LSAMP: variants seen among roughly 807,000 people sequenced by gnomAD.
The protein encoded by LSAMP is limbic system-associated membrane protein.
LSAMP carries 7 observed loss-of-function variants against 38.6 expected under a neutral mutation model. The observed-to-expected ratio is 0.18, with a 90% confidence interval of 0.10 to 0.34. The LOEUF (loss-of-function observed/expected upper bound fraction) is 0.34, where lower values mean the gene tolerates loss of function less well. Ranked by LOEUF, LSAMP falls within the 10% of genes least tolerant of loss-of-function variation. The pLI is 1.00. For synonymous variants in LSAMP, 154 were observed against 166.8 expected, an observed-to-expected ratio of 0.92 and a Z score of 0.59; for missense variants, 313 against 420.0, an observed-to-expected ratio of 0.75 and a Z score of 2.23.
chr3:116,350,625 CT>C (rs111826016), intron 1 of LSAMP, among the ~76,000 whole-genome samples: 278 of 135,766 alleles, frequency 2.0e-3, no homozygotes, highest in Non-Finnish European at 2.3e-3. Context: ...GTCAAGGAAC[CT>C]TTTTTTTTTT....
intron 6 of LSAMP, 36 bp from the exon 7 acceptor site, chr3:115,810,450 A>G (rs1933786993): frequency 7.1e-7 from 1 of 1,412,658 alleles, no homozygotes; most frequent in South Asian, 1.2e-5. Context: ...AAAGAGAATG[A>G]GTTACATGGG....
chr3:115,806,015 A>C lies in LSAMP; in HGVS notation c.*4302T>G, dbSNP rs1339262556. The stretch of plus-strand genomic sequence containing the variant: ...ATAGTTTATGTAGGTAAGATATAGC[A>C]CTGTACTTACATTTCTCTTAAAAAA... On this transcript the variant is annotated 3_prime_UTR_variant, in exon 7 of 7. Transcript: ENST00000490035. 2.0e-5 allele frequency: 3 copies of C among 152,172 alleles called. No homozygotes were observed. The East Asian group carries it at 5.8e-4, about 29-fold the overall frequency. 9.4% of individuals were successfully genotyped at this position (152,172 alleles called of 1,614,324 possible).
At chr3:115,870,338 G>A (rs576974573) in intron 3 of LSAMP, among the ~76,000 whole-genome samples, 1 of 152,136 alleles carries the variant, frequency 6.6e-6, no homozygotes, top group Admixed American at 6.5e-5. Flanking sequence ...TTTTAAGTTG[G>A]GGAATATAGT....
At chr3:115,850,611 T>C (rs568724430) in intron 4 of LSAMP, among the ~76,000 whole-genome samples, 2 of 152,344 alleles carry the variant, frequency 1.3e-5, no homozygotes, top group South Asian at 4.1e-4. Context: ...ATAACTGGCA[T>C]TTCAAAACTC....
chr3:116,319,890 A>T (rs150637035), intron 1 of LSAMP, among the ~76,000 whole-genome samples: 1 of 152,194 alleles, frequency 6.6e-6, no homozygotes, highest in East Asian at 1.9e-4. Context: ...TCCCCAGGGA[A>T]GATGGAAAAC....
intron 2 of LSAMP, among the ~76,000 whole-genome samples, chr3:116,079,631 CAAA>C (rs34038261): frequency 2.3e-5 from 2 of 86,092 alleles, no homozygotes; most frequent in Admixed American, 1.3e-4. Context: ...GACTCTGTCT[CAAA>C]AAAAAAAAAA....
At chr3:116,047,850 T>C (rs1200209248) in intron 2 of LSAMP, among the ~76,000 whole-genome samples, 2 of 152,250 alleles carry the variant, frequency 1.3e-5, no homozygotes, top group Non-Finnish European at 2.9e-5. Flanking sequence ...ATCTAGCTAA[T>C]TAAAAATGCA....
chr3:115,839,753 AG>A (rs1355058539), intron 6 of LSAMP, among the ~76,000 whole-genome samples: 1 of 152,224 alleles, frequency 6.6e-6, no homozygotes, highest in Non-Finnish European at 1.5e-5. Flanking sequence ...ACCACCAGGA[AG>A]TACATCATTA....
At chr3:115,838,989 T>C (rs921771333) in intron 6 of LSAMP, among the ~76,000 whole-genome samples, 2 of 152,180 alleles carry the variant, frequency 1.3e-5, no homozygotes, top group African/African-American at 4.8e-5. Flanking sequence ...TGTTCTTCTC[T>C]GGATTGGCTT....
At chr3:116,059,439 G>A (rs1941551617) in intron 2 of LSAMP, among the ~76,000 whole-genome samples, 1 of 152,152 alleles carries the variant, frequency 6.6e-6, no homozygotes, top group Non-Finnish European at 1.5e-5. Flanking sequence ...TGTGGCAGAA[G>A]ATATCTAGCT....
intron 1 of LSAMP, among the ~76,000 whole-genome samples, chr3:116,435,861 G>A (rs575039893): frequency 2.0e-5 from 3 of 152,238 alleles, no homozygotes; most frequent in South Asian, 4.1e-4. Flanking sequence ...ACTTAACCAG[G>A]CAGAAGTTCA....
chr3:116,122,085 C>A (rs572242197), intron 1 of LSAMP, among the ~76,000 whole-genome samples: 1 of 152,040 alleles, frequency 6.6e-6, no homozygotes, highest in South Asian at 2.1e-4. Context: ...AAAATCAAGG[C>A]ATCAAAGCAT....
intron 1 of LSAMP, among the ~76,000 whole-genome samples, chr3:116,265,038 CCT>C (rs1347787129): frequency 2.0e-5 from 3 of 152,054 alleles, no homozygotes; most frequent in African/African-American, 7.2e-5. Flanking sequence ...TCCTAAGTCA[CCT>C]CATCAGCATA....
At chr3:116,286,347 A>G (rs2047194354) in intron 1 of LSAMP, among the ~76,000 whole-genome samples, 1 of 152,222 alleles carries the variant, frequency 6.6e-6, no homozygotes. Flanking sequence ...AAGCTGTTGA[A>G]TACATTATCT....
At chr3:116,172,727 TTC>T (rs1710232325) in intron 1 of LSAMP, among the ~76,000 whole-genome samples, 1 of 152,004 alleles carries the variant, frequency 6.6e-6, no homozygotes, top group Non-Finnish European at 1.5e-5. Context: ...AGCACCTAAT[TTC>T]TCTCAATTCT....
intron 1 of LSAMP, among the ~76,000 whole-genome samples, chr3:116,136,966 A>G (rs1418872584): frequency 2.0e-5 from 3 of 152,070 alleles, no homozygotes; most frequent in Admixed American, 6.6e-5. Flanking sequence ...TCTCAAAAAT[A>G]TCAAGGCCAG....
At chr3:115,835,036 G>GTA (rs1425002464) in intron 6 of LSAMP, among the ~76,000 whole-genome samples, 2 of 152,076 alleles carry the variant, frequency 1.3e-5, no homozygotes, top group African/African-American at 4.8e-5. Context: ...TCTCTAAGCC[G>GTA]TATAGTTCAC....
intron 6 of LSAMP, among the ~76,000 whole-genome samples, chr3:115,830,220 C>T (rs559346368): frequency 1.3e-5 from 2 of 152,290 alleles, no homozygotes; most frequent in Admixed American, 6.5e-5. Flanking sequence ...AAAATGAATG[C>T]TTTCATATAA....
intron 6 of LSAMP, among the ~76,000 whole-genome samples, chr3:115,817,698 G>T (rs1934076769): frequency 6.6e-6 from 1 of 152,148 alleles, no homozygotes. Flanking sequence ...CCCATCACTT[G>T]CAGTTATTTC....
Sources: gnomAD v4.1 joint callset for allele counts (sites outside exome capture counted in the v4.1 genomes callset) on GRCh38, gnomAD v4.1.1 for gene constraint, MANE v1.5 for transcripts, NCBI Gene and HGNC (gene_info 2026-07-23, HGNC 2026-07-21) for gene names.